The following MMP16 variants were observed in gnomAD, a reference collection of about 807,000 sequenced individuals.
The protein encoded by MMP16 is matrix metallopeptidase 16.
In MMP16, 12 loss-of-function variants were observed where a neutral mutation model predicts 67.8. That is an observed-to-expected ratio of 0.18 (90% CI 0.11 to 0.29). The LOEUF is 0.29. Among genes scored for constraint, MMP16 ranks in the 10% least tolerant of loss-of-function variants. MMP16 has a pLI of 1.00. For synonymous variants in MMP16, 249 were observed against 255.9 expected (o/e 0.97, Z 0.26); for missense variants, 475 against 765.7 (o/e 0.62, Z 4.48).
At chr8:88,224,404 A>G (rs962851283) in intron 1 of MMP16, among the ~76,000 whole-genome samples, 3 of 152,036 alleles carry the variant, frequency 2.0e-5, no homozygotes, top group Non-Finnish European at 2.9e-5. Context: ...ACTTTTGTCC[A>G]TTAATAGTTA....
At position 88,322,394 on chromosome 8, in the gene MMP16, A is replaced by G. The variant is rs139147345; in HGVS notation, c.132+4681T>C. ...GATGTTAGCTTGGTTGATTTTCAGTACATTATATTTTTAATAAATGGAAAG... is the reference window on the plus strand; with the variant it reads ...GATGTTAGCTTGGTTGATTTTCAGTGCATTATATTTTTAATAAATGGAAAG... On this transcript the variant is annotated intron_variant, in intron 1 of 9. Coordinates refer to ENST00000286614, the MANE Select transcript of MMP16 (RefSeq NM_005941.5). Among the ~76,000 whole-genome samples, 1,039 of 152,334 alleles carry G rather than the reference A, an allele frequency of 6.8e-3. 6 individuals are homozygous for G. The highest frequency in any genetic ancestry group is 0.024 in the African/African-American group (985 of 41,572).
chr8:88,253,517 C>T (rs1460703842), intron 1 of MMP16, among the ~76,000 whole-genome samples: 1 of 152,064 alleles, frequency 6.6e-6, no homozygotes, highest in East Asian at 1.9e-4. Flanking sequence ...CCAAAACCTA[C>T]AACCCCAGTC....
At chr8:88,226,614 T>A (rs1304643166) in intron 1 of MMP16, among the ~76,000 whole-genome samples, 1 of 152,056 alleles carries the variant, frequency 6.6e-6, no homozygotes, top group Non-Finnish European at 1.5e-5. Flanking sequence ...AGATCATGCT[T>A]GAAAATTCTT....
At chr8:88,236,384 G>A (rs1169420474) in intron 1 of MMP16, among the ~76,000 whole-genome samples, 2 of 152,210 alleles carry the variant, frequency 1.3e-5, no homozygotes, top group African/African-American at 4.8e-5. Flanking sequence ...TAAACTAGCA[G>A]CTGCTGATGA....
At chr8:88,301,941 A>G (rs1227227301) in intron 1 of MMP16, among the ~76,000 whole-genome samples, 6 of 152,220 alleles carry the variant, frequency 3.9e-5, no homozygotes, top group Admixed American at 3.9e-4. Context: ...ATAATAAAAT[A>G]ACATTTATCA....
Position 88,040,227 on chromosome 8 carries a change from G to T in MMP16, c.*1234C>A. 1 of 152,234 alleles carries T rather than the reference G, an allele frequency of 6.6e-6. No homozygotes were observed. Among genetic ancestry groups the T allele is most frequent in the East Asian group, 1.9e-4 (1 of 5,188 alleles). 9.4% of individuals were successfully genotyped at this position (152,234 alleles called of 1,614,324 possible). ...TCTTAATAAAATACCTTTTTTATTTGCCAGAAAAATTTTGGCAAGTAACAT... is the reference window on the plus strand; with the variant it reads ...TCTTAATAAAATACCTTTTTTATTTTCCAGAAAAATTTTGGCAAGTAACAT... On this transcript the variant is annotated 3_prime_UTR_variant, in exon 10 of 10. Transcript: ENST00000286614.
Position 88,297,428 on chromosome 8 carries a change from T to G in MMP16, c.132+29647A>C, listed in dbSNP as rs78874783. ...AGGTACCTGAGAGAAGAAATCAGCCTCAGTCATTATGATTAACCATAGAGA... is the reference window on the plus strand; with the variant it reads ...AGGTACCTGAGAGAAGAAATCAGCCGCAGTCATTATGATTAACCATAGAGA... On this transcript the variant is annotated intron_variant, in intron 1 of 9. Coordinates refer to ENST00000286614, the MANE Select transcript of MMP16 (RefSeq NM_005941.5). Among the ~76,000 whole-genome samples the G allele has an allele frequency of 1.5e-4, 23 of 152,278 alleles. No homozygotes were observed. In the East Asian group the frequency reaches 3.3e-3, roughly 22 times the overall value.
chr8:88,301,740 A>AT (rs1293058768), intron 1 of MMP16, among the ~76,000 whole-genome samples: 2 of 152,258 alleles, frequency 1.3e-5, no homozygotes, highest in African/African-American at 4.8e-5. Flanking sequence ...AAGAAAATGT[A>AT]TTTTTTTAAA....
chr8:88,170,366 G>A (rs1808779757), intron 3 of MMP16, among the ~76,000 whole-genome samples: 1 of 152,186 alleles, frequency 6.6e-6, no homozygotes, highest in Admixed American at 6.5e-5. Context: ...ACAGACATTT[G>A]TCTACCTTGC....
chr8:88,088,419 T>A (rs528493533), intron 6 of MMP16, among the ~76,000 whole-genome samples: 1 of 151,968 alleles, frequency 6.6e-6, no homozygotes, highest in South Asian at 2.1e-4. Context: ...GAACACAAAG[T>A]TACTTGTCAA....
intron 1 of MMP16, among the ~76,000 whole-genome samples, chr8:88,216,623 T>A (rs991223793): frequency 2.6e-5 from 4 of 152,156 alleles, no homozygotes; most frequent in African/African-American, 9.7e-5. Context: ...ATCTTGACAC[T>A]TCAGAATACT....
intron 1 of MMP16, among the ~76,000 whole-genome samples, chr8:88,255,038 A>G (rs1242574775): frequency 6.6e-6 from 1 of 152,162 alleles, no homozygotes; most frequent in Non-Finnish European, 1.5e-5. Context: ...AAAAATTCAT[A>G]CACACGGTGA....
At chr8:88,084,588 C>G (rs2616511) in intron 6 of MMP16, among the ~76,000 whole-genome samples, 41,847 of 151,776 alleles carry the variant, frequency 0.28, 6,055 homozygotes, top group East Asian at 0.48. Context: ...TTCATGATAC[C>G]TACAACTTTG....
At chr8:88,165,758 C>T (rs2681300) in intron 4 of MMP16, among the ~76,000 whole-genome samples, 94,088 of 151,914 alleles carry the variant, frequency 0.62, 30,088 homozygotes, top group African/African-American at 0.78. Flanking sequence ...GCACTTCTAC[C>T]TACAATGCTT....
chr8:88,056,985 A>G (rs1329953798), intron 7 of MMP16, among the ~76,000 whole-genome samples: 1 of 152,126 alleles, frequency 6.6e-6, no homozygotes, highest in African/African-American at 2.4e-5. Flanking sequence ...TACAGACAGC[A>G]CATATCCTCA....
At chr8:88,309,703 C>G (rs1811267076) in intron 1 of MMP16, among the ~76,000 whole-genome samples, 1 of 151,984 alleles carries the variant, frequency 6.6e-6, no homozygotes, top group Non-Finnish European at 1.5e-5. Flanking sequence ...AGATGTAATT[C>G]AGATAGACAG....
At chr8:88,085,113 C>A (rs1373855790) in intron 6 of MMP16, among the ~76,000 whole-genome samples, 1 of 151,862 alleles carries the variant, frequency 6.6e-6, no homozygotes, top group Admixed American at 6.6e-5. Context: ...AAATTTTGTT[C>A]TCAGGTTTAC....
At chr8:88,271,061 T>C (rs1245826044) in intron 1 of MMP16, among the ~76,000 whole-genome samples, 3 of 152,184 alleles carry the variant, frequency 2.0e-5, no homozygotes, top group Non-Finnish European at 2.9e-5. Context: ...TACACTTAAT[T>C]TGGGTTTTAG....
At chr8:88,123,252 T>C (rs544304827) in intron 4 of MMP16, among the ~76,000 whole-genome samples, 2 of 151,982 alleles carry the variant, frequency 1.3e-5, no homozygotes, top group Non-Finnish European at 2.9e-5. Context: ...ATGTGAGTGT[T>C]TATACAGCAC....
Sources: allele counts gnomAD v4.1 joint callset (sites outside exome capture counted in the v4.1 genomes callset), GRCh38; gene constraint gnomAD v4.1.1; transcripts MANE v1.5; gene names NCBI Gene and HGNC (gene_info 2026-07-23, HGNC 2026-07-21).